FBXL7: variants seen among roughly 807,000 people sequenced by gnomAD.
FBXL7 encodes the protein F-box and leucine rich repeat protein 7, also known as F-box/LRR-repeat protein 7.
FBXL7 carries 12 observed loss-of-function variants against 38.3 expected under a neutral mutation model. The observed-to-expected ratio is 0.31, with a 90% confidence interval of 0.20 to 0.51. The LOEUF is 0.51. Among genes scored for constraint, FBXL7 ranks in the 20% least tolerant of loss-of-function variants. The probability of loss-of-function intolerance (pLI) is 0.98; values close to 1 mark genes in which losing one functional copy is unlikely to be tolerated. For missense variants in FBXL7, 567 were observed against 676.4 expected (o/e 0.84, Z 1.79); for synonymous variants, 297 against 300.9 (o/e 0.99, Z 0.13).
intron 2 of FBXL7, among the ~76,000 whole-genome samples, chr5:15,765,296 A>G (rs1232604954): frequency 1.3e-5 from 2 of 152,086 alleles, no homozygotes; most frequent in Non-Finnish European, 2.9e-5. Flanking sequence ...AACATGGATG[A>G]CATTCACAAA....
chr5:15,622,923 T>G (rs1438732694), intron 2 of FBXL7, among the ~76,000 whole-genome samples: 1 of 152,120 alleles, frequency 6.6e-6, no homozygotes, highest in East Asian at 1.9e-4. Flanking sequence ...CAGGCTGGTC[T>G]CAAACTCATG....
At chr5:15,637,081 TAA>T (rs1741211766) in intron 2 of FBXL7, among the ~76,000 whole-genome samples, 1 of 152,194 alleles carries the variant, frequency 6.6e-6, no homozygotes, top group Admixed American at 6.5e-5. Flanking sequence ...CATATGCTAA[TAA>T]AGAGCATCTG....
At chr5:15,729,234 C>T (rs1168141620) in intron 2 of FBXL7, among the ~76,000 whole-genome samples, 2 of 152,114 alleles carry the variant, frequency 1.3e-5, no homozygotes, top group Non-Finnish European at 2.9e-5. Context: ...TCCGTGCCTT[C>T]ATATATTTGG....
chr5:15,651,197 C>T (rs190661161), intron 2 of FBXL7, among the ~76,000 whole-genome samples: 110 of 150,740 alleles, frequency 7.3e-4, no homozygotes, highest in Admixed American at 1.4e-3. Context: ...CATGGGTTCA[C>T]GCCATTCTCC....
At chr5:15,736,610 C>T (rs1227318923) in intron 2 of FBXL7, among the ~76,000 whole-genome samples, 2 of 152,198 alleles carry the variant, frequency 1.3e-5, no homozygotes, top group African/African-American at 4.8e-5. Flanking sequence ...GTTGCTACTT[C>T]ATCTTTGTCC....
intron 1 of FBXL7, among the ~76,000 whole-genome samples, chr5:15,503,335 C>T (rs955700549): frequency 6.6e-6 from 1 of 152,158 alleles, no homozygotes; most frequent in African/African-American, 2.4e-5. Context: ...GCAGGAGAAT[C>T]GCTTGAACCT....
intron 2 of FBXL7, among the ~76,000 whole-genome samples, chr5:15,692,726 C>T (rs752215002): frequency 5.9e-5 from 9 of 152,122 alleles, no homozygotes; most frequent in East Asian, 3.9e-4. Context: ...GGTTGTTATT[C>T]GTACATAGGG....
chr5:15,710,396 C>T (rs1743824751), intron 2 of FBXL7, among the ~76,000 whole-genome samples: 1 of 152,168 alleles, frequency 6.6e-6, no homozygotes, highest in African/African-American at 2.4e-5. Flanking sequence ...GTGTGGAATG[C>T]TCTTTCCCTC....
chr5:15,641,119 T>A (rs1407845212), intron 2 of FBXL7, among the ~76,000 whole-genome samples: 1 of 152,134 alleles, frequency 6.6e-6, no homozygotes, highest in Non-Finnish European at 1.5e-5. Context: ...ATTGCTACAC[T>A]CTCCAGGTAT....
intron 2 of FBXL7, among the ~76,000 whole-genome samples, chr5:15,646,286 T>G (rs1741532269): frequency 6.6e-6 from 1 of 152,228 alleles, no homozygotes; most frequent in South Asian, 2.1e-4. Flanking sequence ...ATGAGGTAGC[T>G]TTGTTATTTC....
At chr5:15,688,570 A>G (rs1743088168) in intron 2 of FBXL7, among the ~76,000 whole-genome samples, 1 of 152,134 alleles carries the variant, frequency 6.6e-6, no homozygotes, top group Admixed American at 6.5e-5. Flanking sequence ...TGACCACTCC[A>G]TGGTCGCCTC....
chr5:15,721,344 G>A (rs967525200), intron 2 of FBXL7, among the ~76,000 whole-genome samples: 1 of 152,014 alleles, frequency 6.6e-6, no homozygotes, highest in Non-Finnish European at 1.5e-5. Context: ...CATCCATGAA[G>A]GACTTGGTCT....
intron 3 of FBXL7, among the ~76,000 whole-genome samples, chr5:15,930,913 C>T: frequency 6.6e-6 from 1 of 152,182 alleles, no homozygotes; most frequent in East Asian, 1.9e-4. Flanking sequence ...AGAGGGCTGC[C>T]ACAGTTGATT....
At chr5:15,785,790 C>T (rs1737118447) in intron 2 of FBXL7, among the ~76,000 whole-genome samples, 1 of 152,240 alleles carries the variant, frequency 6.6e-6, no homozygotes, top group Non-Finnish European at 1.5e-5. Flanking sequence ...CATTTTCCAT[C>T]AAATCCTTTT....
intron 2 of FBXL7, among the ~76,000 whole-genome samples, chr5:15,828,144 T>A (rs1738363460): frequency 6.6e-6 from 1 of 152,332 alleles, no homozygotes; most frequent in Non-Finnish European, 1.5e-5. Flanking sequence ...AAAATGGAAA[T>A]AATACCTATC....
intron 2 of FBXL7, among the ~76,000 whole-genome samples, chr5:15,649,505 G>T (rs964477013): frequency 6.6e-6 from 1 of 152,104 alleles, no homozygotes; most frequent in African/African-American, 2.4e-5. Flanking sequence ...TGTGAGGTCC[G>T]CAGAGAAGGG....
At chr5:15,551,613 T>TTATTTAAATACTTTTA (rs1290945215) in intron 1 of FBXL7, among the ~76,000 whole-genome samples, 1 of 152,234 alleles carries the variant, frequency 6.6e-6, no homozygotes, top group Non-Finnish European at 1.5e-5. Context: ...CTTTATTCAT[T>TTATTTAAATACTTTTA]TATTTAAATA....
intron 2 of FBXL7, among the ~76,000 whole-genome samples, chr5:15,634,559 G>T (rs1045832084): frequency 2.6e-5 from 4 of 151,746 alleles, no homozygotes; most frequent in South Asian, 2.1e-4. Context: ...GACCTCAAGT[G>T]ATCTGCCCAC....
At chr5:15,926,495 T>TTA (rs1343063317) in intron 2 of FBXL7, among the ~76,000 whole-genome samples, 1 of 150,070 alleles carries the variant, frequency 6.7e-6, no homozygotes, top group Non-Finnish European at 1.5e-5. Context: ...ACATTGGATA[T>TTA]TATATATATC....
Sources: allele counts gnomAD v4.1 joint callset (sites outside exome capture counted in the v4.1 genomes callset), GRCh38; gene constraint gnomAD v4.1.1; transcripts MANE v1.5; gene names NCBI Gene and HGNC (gene_info 2026-07-23, HGNC 2026-07-21).